UGT1A8: variants seen among roughly 807,000 people sequenced by gnomAD.
The protein encoded by UGT1A8 is UDP glucuronosyltransferase family 1 member A8, also known as UDP-glucuronosyltransferase 1A8.
In UGT1A8, 39 loss-of-function variants were observed where a neutral mutation model predicts 45.3. That is an observed-to-expected ratio of 0.86 (90% CI 0.67 to 1.12). The LOEUF (loss-of-function observed/expected upper bound fraction) is 1.12. Among genes scored for constraint, UGT1A8 ranks in the 50% most tolerant of loss-of-function variants. UGT1A8 has a pLI of 0.00. For missense variants in UGT1A8, 719 were observed against 664.9 expected (o/e 1.08, Z -0.90); for synonymous variants, 275 against 249.2 (o/e 1.10, Z -0.97).
At chr2:233,762,807 C>T (rs1458193268) in intron 1 of UGT1A8, among the ~76,000 whole-genome samples, 1 of 151,450 alleles carries the variant, frequency 6.6e-6, no homozygotes, top group Non-Finnish European at 1.5e-5. Context: ...GCTATCTCAT[C>T]AAAATATTGA....
intron 1 of UGT1A8, chr2:233,760,484 T>C: frequency 6.2e-7 from 1 of 1,614,248 alleles, no homozygotes; most frequent in Non-Finnish European, 8.5e-7. Flanking sequence ...GACGCCTCGT[T>C]GTACATCAGA....
chr2:233,621,697 T>C (rs1421776557), intron 1 of UGT1A8, among the ~76,000 whole-genome samples: 1 of 152,196 alleles, frequency 6.6e-6, no homozygotes, highest in Non-Finnish European at 1.5e-5. Flanking sequence ...TTTTCTGTCT[T>C]TTTAAAGAAA....
chr2:233,628,279 TA>T (rs2073128431), intron 1 of UGT1A8, among the ~76,000 whole-genome samples: 1 of 152,080 alleles, frequency 6.6e-6, no homozygotes, highest in South Asian at 2.1e-4. Flanking sequence ...GGCATAGCTT[TA>T]AAAATTTTTA....
intron 1 of UGT1A8, among the ~76,000 whole-genome samples, chr2:233,621,573 T>C (rs1049080704): frequency 1.3e-5 from 2 of 152,182 alleles, no homozygotes; most frequent in Admixed American, 6.5e-5. Flanking sequence ...CAAGTATTTA[T>C]TTTCAAAGTT....
intron 1 of UGT1A8, among the ~76,000 whole-genome samples, chr2:233,644,955 T>C (rs1363563043): frequency 3.3e-5 from 5 of 152,180 alleles, no homozygotes; most frequent in Non-Finnish European, 5.9e-5. Context: ...GAAAACTGTG[T>C]GTAATGAGTT....
chr2:233,689,784 G>T (rs905973456), intron 1 of UGT1A8: 5 of 409,516 alleles, frequency 1.2e-5, no homozygotes, highest in Non-Finnish European at 2.4e-5. Flanking sequence ...CATATGTTAT[G>T]ATGTGATCTG....
rs760907397 is a variant in UGT1A8 at position 233,761,080 on chromosome 2, C to G, written c.856-5954C>G. 1.2e-6 allele frequency: 2 copies of G among 1,614,034 alleles called. No individual in the cohort carries two copies. The highest frequency in any genetic ancestry group is 1.7e-6 in the Non-Finnish European group (2 of 1,180,026). On this transcript the variant is annotated intron_variant, in intron 1 of 4. Coordinates refer to ENST00000373450, the MANE Select transcript of UGT1A8 (RefSeq NM_019076.5). Reference sequence around the variant, plus strand: ...TAGAAGTGACTTTGTGAAGGATTACCCTAGGCCCATCATGCCCAATATGGT... The same window carrying G: ...TAGAAGTGACTTTGTGAAGGATTACGCTAGGCCCATCATGCCCAATATGGT...
rs763737345 is a variant in UGT1A8 at position 233,682,117 on chromosome 2, A to G, written c.855+63555A>G. On this transcript the variant is annotated intron_variant, in intron 1 of 4. Coordinates refer to ENST00000373450, the MANE Select transcript of UGT1A8 (RefSeq NM_019076.5). ...GGCATGAGGTGGTCGTAGTCATGCC[A>G]GAGGTGAGTTGGCAACTGGGAAGAT... 4.3e-6 allele frequency: 7 copies of G among 1,614,090 alleles called. No individual in the cohort carries two copies. The African/African-American group carries it at 8.0e-5, about 18-fold the overall frequency.
At chr2:233,620,822 C>T (rs973594760) in intron 1 of UGT1A8, among the ~76,000 whole-genome samples, 2 of 152,158 alleles carry the variant, frequency 1.3e-5, no homozygotes, top group African/African-American at 4.8e-5. Flanking sequence ...GCGTATTGCT[C>T]CTTCCTTGTT....
rs28898588 is a variant in UGT1A8, at chr2:233,707,117, T to G, written c.856-59917T>G. On this transcript the variant is annotated intron_variant, in intron 1 of 4. Transcript: ENST00000373450. ...CAGCTGAGGGACCCCCAAAATACTC[T>G]GCATTAGGCTTTCTATCCCGGAGGT... 8.8e-3 allele frequency among the ~76,000 whole-genome samples: 1,342 copies of G among 152,244 alleles called. 24 individuals are homozygous for G. The highest frequency in any genetic ancestry group is 0.031 in the African/African-American group (1,274 of 41,546).
At chr2:233,752,746 A>AAAACAAACAAAC (rs200752387) in intron 1 of UGT1A8, among the ~76,000 whole-genome samples, 1 of 152,190 alleles carries the variant, frequency 6.6e-6, no homozygotes, top group East Asian at 1.9e-4. Context: ...CCCTGTCTCT[A>AAAACAAACAAAC]AAACAAACAA....
chr2:233,726,610 C>T (rs1191468440), intron 1 of UGT1A8, among the ~76,000 whole-genome samples: 1 of 152,148 alleles, frequency 6.6e-6, no homozygotes, highest in Non-Finnish European at 1.5e-5. Context: ...TTACACTGTC[C>T]TGCCCAGATA....
intron 1 of UGT1A8, among the ~76,000 whole-genome samples, chr2:233,653,409 G>T (rs1305797613): frequency 6.6e-6 from 1 of 152,022 alleles, no homozygotes; most frequent in Non-Finnish European, 1.5e-5. Flanking sequence ...TAAAGTAATA[G>T]GTTAAAAAAG....
chr2:233,636,784 C>T (rs756012859), intron 1 of UGT1A8: 12 of 1,614,138 alleles, frequency 7.4e-6, no homozygotes, highest in South Asian at 1.1e-5. Context: ...AGATCAGAAC[C>T]GGGAATTCAT....
Position 233,769,751 on chromosome 2 carries a change from AG to A in UGT1A8, c.1295+1314del. 1 of 1,422,830 alleles carries A rather than the reference AG, an allele frequency of 7.0e-7. No homozygotes were observed. Among genetic ancestry groups the A allele is most frequent in the South Asian group, 1.5e-5 (1 of 65,502 alleles). 88.1% of individuals were successfully genotyped at this position (1,422,830 alleles called of 1,614,324 possible). On this transcript the variant is annotated intron_variant, in intron 4 of 4. Coordinates refer to ENST00000373450, the MANE Select transcript of UGT1A8 (RefSeq NM_019076.5). This position sits in a 1 kb window ranked among gnomAD's most constrained non-coding sequence, Gnocchi z 4.4. ...ACGCCTGTAGTCCCAGCCACTCTGGAGGCTAAGGCGGGAGGATTGCTTGAGC... is the reference window on the plus strand; with the variant it reads ...ACGCCTGTAGTCCCAGCCACTCTGGAGCTAAGGCGGGAGGATTGCTTGAGC...
chr2:233,653,951 T>C (rs1401766600), intron 1 of UGT1A8, among the ~76,000 whole-genome samples: 3 of 152,254 alleles, frequency 2.0e-5, no homozygotes, highest in Non-Finnish European at 4.4e-5. Context: ...CTCTTCATTA[T>C]TGAGGACATT....
At chr2:233,655,460 G>A (rs892144613) in intron 1 of UGT1A8, among the ~76,000 whole-genome samples, 7 of 152,164 alleles carry the variant, frequency 4.6e-5, no homozygotes, top group Non-Finnish European at 7.3e-5. Context: ...GAAGGGGCAC[G>A]ACTTAAGGAG....
intron 1 of UGT1A8, among the ~76,000 whole-genome samples, chr2:233,740,158 G>A (rs2125827659): frequency 6.6e-6 from 1 of 151,948 alleles, no homozygotes; most frequent in East Asian, 1.9e-4. Flanking sequence ...GGCCTCCCCA[G>A]TCATGTGGAA....
chr2:233,760,639 A>G, intron 1 of UGT1A8: 1 of 1,614,156 alleles, frequency 6.2e-7, no homozygotes, highest in African/African-American at 1.3e-5. Context: ...GAAAATAAAA[A>G]AGGACTCTGC....
Sources: allele counts gnomAD v4.1 joint callset (sites outside exome capture counted in the v4.1 genomes callset), GRCh38; gene constraint gnomAD v4.1.1; non-coding constraint Gnocchi (gnomAD v3.1); transcripts MANE v1.5; gene names NCBI Gene and HGNC (gene_info 2026-07-23, HGNC 2026-07-21).